MTUS2: variants seen among roughly 807,000 people sequenced by gnomAD.
The protein encoded by MTUS2 is microtubule associated scaffold protein 2.
In MTUS2, 40 loss-of-function variants were observed where a neutral mutation model predicts 114.1. The ratio of observed to expected loss-of-function variants is 0.35; its 90% CI spans 0.27 to 0.46. The LOEUF is 0.46. Among genes scored for constraint, MTUS2 ranks in the 20% least tolerant of loss-of-function variants. The pLI is 1.00. For synonymous variants in MTUS2, 688 were observed against 672.0 expected (o/e 1.02, Z -0.37); for missense variants, 1,679 against 1,705.4 (o/e 0.98, Z 0.27).
chr13:29,494,818 C>A (rs1008554829), intron 12 of MTUS2, among the ~76,000 whole-genome samples: 2 of 152,076 alleles, frequency 1.3e-5, no homozygotes, highest in African/African-American at 4.8e-5. Context: ...GGGGGCAGAT[C>A]ACCTGAGGTC....
intron 5 of MTUS2, among the ~76,000 whole-genome samples, chr13:29,194,181 T>A (rs1294815841): frequency 6.6e-6 from 1 of 151,596 alleles, no homozygotes; most frequent in African/African-American, 2.4e-5. Flanking sequence ...GACATAGGCA[T>A]GGGCAAGGAC....
intron 4 of MTUS2, among the ~76,000 whole-genome samples, chr13:29,056,758 A>C (rs896729030): frequency 2.0e-5 from 3 of 151,280 alleles, no homozygotes; most frequent in Admixed American, 1.3e-4. Context: ...CAAAAACTAA[A>C]CTCTTGGATT....
chr13:29,027,819 G>A (rs7319939), intron 3 of MTUS2, among the ~76,000 whole-genome samples: 5,917 of 152,176 alleles, frequency 0.039, 372 homozygotes, highest in African/African-American at 0.13. Context: ...GATTACAGGC[G>A]TGAGCCACCG....
At chr13:29,325,489 A>T (rs1465848931) in intron 7 of MTUS2, among the ~76,000 whole-genome samples, 1 of 108,288 alleles carries the variant, frequency 9.2e-6, no homozygotes, top group Non-Finnish European at 1.9e-5. Context: ...GAAGAGGAAG[A>T]GGGAGGAGGA....
intron 2 of MTUS2, among the ~76,000 whole-genome samples, chr13:28,909,352 C>T (rs1880255440): frequency 6.8e-6 from 1 of 147,912 alleles, no homozygotes; most frequent in African/African-American, 2.7e-5. Context: ...TGTTTGTATC[C>T]TCTTTTATTT....
chr13:28,849,056 A>G (rs7318208), intron 2 of MTUS2, among the ~76,000 whole-genome samples: 7,306 of 152,282 alleles, frequency 0.048, 604 homozygotes, highest in African/African-American at 0.17. Flanking sequence ...AATAGTTTCG[A>G]TGATCACTTA....
chr13:29,060,802 C>CTTTTT (rs34983544), intron 4 of MTUS2, among the ~76,000 whole-genome samples: 5 of 127,716 alleles, frequency 3.9e-5, no homozygotes, highest in African/African-American at 1.2e-4. Context: ...GATTAGTTGA[C>CTTTTT]TTTTTTTTTT....
At chr13:29,268,071 A>G (rs1357054800) in intron 5 of MTUS2, among the ~76,000 whole-genome samples, 2 of 152,068 alleles carry the variant, frequency 1.3e-5, no homozygotes, top group Non-Finnish European at 2.9e-5. Flanking sequence ...ATAAGTATAC[A>G]CGTGTCATGG....
At position 29,389,543 on chromosome 13, in the gene MTUS2, A is replaced by ATGTGTATATATGTATACACGTGTGTG. The variant is rs199825425; in HGVS notation, c.3117+30071_3117+30072insGTGTATATATGTATACACGTGTGTGT. The stretch of plus-strand genomic sequence containing the variant: ...TGTGTATATATGTATACACGTGTGT[A>ATGTGTATATATGTATACACGTGTGTG]TATGTATACACGTGTGTATATGTGT... On this transcript the variant is annotated intron_variant, in intron 8 of 15. Transcript: ENST00000612955. 2.9e-3 allele frequency among the ~76,000 whole-genome samples: 264 copies of ATGTGTATATATGTATACACGTGTGTG among 91,922 alleles called. 106 individuals carry two copies. The highest frequency in any genetic ancestry group is 0.029 in the Middle Eastern group (4 of 140). The allele number at this position is 91,922 out of a possible 152,430, so 60.3% of individuals were successfully genotyped here.
chr13:29,149,623 G>T (rs1205534464), intron 5 of MTUS2, among the ~76,000 whole-genome samples: 5 of 152,104 alleles, frequency 3.3e-5, no homozygotes, highest in Admixed American at 6.6e-5. Flanking sequence ...GTATTGCCTA[G>T]ATTTTCTTCT....
In MTUS2 at chr13:29,073,474, A is replaced by G. The variant is rs561369987; in HGVS notation, c.2447-27299A>G. Reference sequence around the variant, plus strand: ...CCACAACTATCTGATGAGTCTTTCTATTATTGCTCATAATTCCCAGGTTGT... The same window carrying G: ...CCACAACTATCTGATGAGTCTTTCTGTTATTGCTCATAATTCCCAGGTTGT... On this transcript the variant is annotated intron_variant, in intron 4 of 15. Transcript: ENST00000612955. 1.7e-4 allele frequency among the ~76,000 whole-genome samples: 26 copies of G among 152,230 alleles called. No individual in the cohort carries two copies. The South Asian group carries it at 4.6e-3, about 27-fold the overall frequency.
chr13:29,007,131 G>T (rs566809583), intron 2 of MTUS2, among the ~76,000 whole-genome samples: 1 of 152,226 alleles, frequency 6.6e-6, no homozygotes, highest in South Asian at 2.1e-4. Flanking sequence ...TCACAAGGTA[G>T]ATTTTTTTAA....
chr13:29,409,276 A>G (rs1875034239), intron 8 of MTUS2, among the ~76,000 whole-genome samples: 1 of 152,202 alleles, frequency 6.6e-6, no homozygotes, highest in Admixed American at 6.5e-5. Flanking sequence ...AGATTGCGCC[A>G]CTGTACTCCA....
chr13:28,880,874 ATTATAG>A lies in MTUS2; in HGVS notation c.-243+41028_-243+41033del, dbSNP rs541160807. ...TATAAAAGGTGGAGTTCTAGAATAG[ATTATAG>A]TTAATCATTTGTTTTTATGAGTATT... On this transcript the variant is annotated intron_variant, in intron 2 of 15. Coordinates refer to ENST00000612955, the MANE Select transcript of MTUS2 (RefSeq NM_001033602.4). 4.5e-3 allele frequency among the ~76,000 whole-genome samples: 687 copies of A among 152,332 alleles called. 4 individuals carry two copies. The highest frequency in any genetic ancestry group is 8.3e-3 in the Non-Finnish European group (568 of 68,036).
chr13:29,110,294 T>A (rs1354846122), intron 5 of MTUS2, among the ~76,000 whole-genome samples: 1 of 152,012 alleles, frequency 6.6e-6, no homozygotes, highest in Non-Finnish European at 1.5e-5. Flanking sequence ...TGGGAACATT[T>A]GATTTCACAG....
intron 9 of MTUS2, among the ~76,000 whole-genome samples, chr13:29,456,119 T>C (rs1052240587): frequency 6.6e-6 from 1 of 152,148 alleles, no homozygotes; most frequent in Non-Finnish European, 1.5e-5. Context: ...TAGAGGAATG[T>C]TATGAGTAAA....
intron 2 of MTUS2, among the ~76,000 whole-genome samples, chr13:28,922,531 A>G (rs1881099883): frequency 6.6e-6 from 1 of 152,088 alleles, no homozygotes; most frequent in Non-Finnish European, 1.5e-5. Flanking sequence ...CCATCTGGCT[A>G]TGCCTGGTCC....
At chr13:29,168,400 T>A (rs1459125683) in intron 5 of MTUS2, among the ~76,000 whole-genome samples, 1 of 152,188 alleles carries the variant, frequency 6.6e-6, no homozygotes, top group African/African-American at 2.4e-5. Flanking sequence ...CTTACAAAAA[T>A]CTTTGGATTT....
chr13:29,073,340 A>G (rs1889030552), intron 4 of MTUS2, among the ~76,000 whole-genome samples: 1 of 152,208 alleles, frequency 6.6e-6, no homozygotes, highest in Non-Finnish European at 1.5e-5. Context: ...TTTTGTATTT[A>G]CCTTCAACCA....
Sources: allele counts gnomAD v4.1 joint callset (sites outside exome capture counted in the v4.1 genomes callset), GRCh38; gene constraint gnomAD v4.1.1; transcripts MANE v1.5; gene names NCBI Gene and HGNC (gene_info 2026-07-23, HGNC 2026-07-21).